Variants in GPSM2 observed in about 807,000 individuals in gnomAD.
GPSM2 encodes G protein-signaling modulator 2.
In GPSM2, 58 loss-of-function variants were observed where a neutral mutation model predicts 78.4. The observed-to-expected ratio is 0.74, with a 90% CI of 0.60 to 0.92. GPSM2 has a LOEUF of 0.92. GPSM2 is among the 40% of genes least tolerant of loss of function. The pLI is 0.00. For missense variants in GPSM2, 700 were observed against 815.5 expected (o/e 0.86, Z 1.73); for synonymous variants, 224 against 280.2 (o/e 0.80, Z 2.00).
chr1:108,897,402 G>A, intron 3 of GPSM2, 90 bp from the exon 4 acceptor site: 1 of 1,317,672 alleles, frequency 7.6e-7, no homozygotes, highest in Non-Finnish European at 1.1e-6. Context: ...TGTCCTCTTG[G>A]AAAACTGTAC....
intron 10 of GPSM2, among the ~76,000 whole-genome samples, chr1:108,913,160 A>G (rs1436194966): frequency 6.6e-6 from 1 of 152,186 alleles, no homozygotes; most frequent in African/African-American, 2.4e-5. Context: ...AGATGCGCCA[A>G]CTGGATGATC....
intron 2 of GPSM2, among the ~76,000 whole-genome samples, chr1:108,887,305 A>T (rs1647637701): frequency 1.3e-5 from 2 of 152,204 alleles, no homozygotes; most frequent in Admixed American, 1.3e-4. Context: ...CCTGTAACAG[A>T]CACAACTCTC....
chr1:108,884,869 T>A (rs1332251626), intron 1 of GPSM2, among the ~76,000 whole-genome samples: 1 of 152,250 alleles, frequency 6.6e-6, no homozygotes, highest in East Asian at 1.9e-4. Context: ...ATCAGTGTGA[T>A]ATCTTCTTTG....
intron 10 of GPSM2, among the ~76,000 whole-genome samples, chr1:108,913,129 G>A (rs183463832): frequency 6.6e-6 from 1 of 152,210 alleles, no homozygotes; most frequent in Admixed American, 6.5e-5. Flanking sequence ...GTACAATCCA[G>A]CAACATTCTG....
chr1:108,885,847 T>C (rs1363335120), intron 2 of GPSM2, among the ~76,000 whole-genome samples: 1 of 152,192 alleles, frequency 6.6e-6, no homozygotes, highest in Non-Finnish European at 1.5e-5. Context: ...GTAATGCAAA[T>C]ATGTAAATGA....
intron 10 of GPSM2, among the ~76,000 whole-genome samples, chr1:108,909,291 C>T (rs1351766445): frequency 2.6e-5 from 4 of 152,140 alleles, no homozygotes; most frequent in Non-Finnish European, 4.4e-5. Context: ...ATTGACCTAA[C>T]TGGTCAATTT....
At position 108,904,170 on chromosome 1, in the gene GPSM2, G is replaced by C; in HGVS notation, c.1108G>C (p.Asp370His). 6.3e-7 allele frequency: 1 copy of C among 1,598,668 alleles called. No individual in the cohort carries two copies. Among genetic ancestry groups the C allele is most frequent in the South Asian group, 1.1e-5 (1 of 90,752 alleles). ...ACTAACAGCACGACTTAATCTCTCA[G>C]ACCTTCAAATGGTTCTTGGTCTGAG... is the stretch of plus-strand genomic sequence containing the variant. The part of the protein sequence containing the change: ...GELTARLNLS[D>H]LQMVLGLSYS... Residue 370 changes from aspartate to histidine, a missense_variant, in exon 10 of 15, where the codon GAC (aspartate) becomes CAC (histidine). Coordinates refer to ENST00000264126, the MANE Select transcript of GPSM2 (RefSeq NM_013296.5).
chr1:108,913,392 A>G (rs1464110226), intron 10 of GPSM2, among the ~76,000 whole-genome samples: 2 of 152,224 alleles, frequency 1.3e-5, no homozygotes, highest in African/African-American at 4.8e-5. Context: ...TGTGGATAGT[A>G]TAAACCAGTT....
rs751118420 is a variant in GPSM2 at position 108,924,217 on chromosome 1, A to ATGTC, written c.1815+7_1815+10dup. On this transcript the variant is annotated splice_donor_region_variant and intron_variant, in intron 14 of 14. Transcript: ENST00000264126. ...TTGACATCCTTGTAAAATGTCAAGT[A>ATGTC]TGTCTGTATATTTTTTTCGTTCTGC... 79 of 1,587,514 alleles carry ATGTC rather than the reference A, an allele frequency of 5.0e-5. No individual in the cohort carries two copies. The highest frequency in any genetic ancestry group is 6.6e-5 in the Non-Finnish European group (76 of 1,155,952).
intron 5 of GPSM2, 31 bp from the exon 6 acceptor site, chr1:108,898,609 CTT>C: frequency 6.2e-7 from 1 of 1,609,950 alleles, no homozygotes; most frequent in South Asian, 1.1e-5. Flanking sequence ...GTTCTGCAAA[CTT>C]ATTTTTTCAT....
chr1:108,877,909 T>C (rs909224894), intron 1 of GPSM2: 1 of 152,222 alleles, frequency 6.6e-6, no homozygotes, highest in Non-Finnish European at 1.5e-5. Context: ...TTGAACTCTG[T>C]TAAAGAAAAC....
chr1:108,909,902 C>CAAAAAA (rs34151964), intron 10 of GPSM2: 9 of 50,638 alleles, frequency 1.8e-4, no homozygotes, highest in Admixed American at 4.8e-4. Flanking sequence ...ACGCCATCTC[C>CAAAAAA]AAAAAAAAAA....
chr1:108,885,968 T>C (rs1647512894), intron 2 of GPSM2, among the ~76,000 whole-genome samples: 1 of 152,114 alleles, frequency 6.6e-6, no homozygotes, highest in African/African-American at 2.4e-5. Context: ...ACATGAACTT[T>C]TTATTTTTGA....
chr1:108,924,707 T>TA (rs1247348998), intron 14 of GPSM2, among the ~76,000 whole-genome samples: 2 of 152,124 alleles, frequency 1.3e-5, no homozygotes, highest in Non-Finnish European at 1.5e-5. Flanking sequence ...CTCTTGGATA[T>TA]AAAAGCTTAG....
chr1:108,891,390 A>C (rs1647956338), intron 2 of GPSM2, among the ~76,000 whole-genome samples: 1 of 152,162 alleles, frequency 6.6e-6, no homozygotes, highest in Non-Finnish European at 1.5e-5. Context: ...GACAAAGATA[A>C]ATTTTCATAT....
Position 108,901,918 on chromosome 1 carries a change from T to C in GPSM2, c.926T>C (p.Leu309Ser), listed in dbSNP as rs1289346637. Residue 309 changes from leucine to serine, a missense_variant, in exon 8 of 15, where the codon TTA becomes TCA. By Grantham distance (145) the Leu-to-Ser change is moderately radical. Transcript: ENST00000264126. ...GCCATTGATTATCATCTGAAGCACT[T>C]AGCAATTGCTCAAGAGCTGAATGAT... ...EKAIDYHLKHLAIAQELNDRI... is the reference protein window; with the variant it reads ...EKAIDYHLKHSAIAQELNDRI... The C allele has an allele frequency of 5.0e-6, 8 of 1,611,632 alleles. No individual in the cohort carries two copies. Among genetic ancestry groups the C allele is most frequent in the Non-Finnish European group, 6.8e-6 (8 of 1,177,858 alleles).
At chr1:108,882,306 C>T (rs1445078291) in intron 1 of GPSM2, among the ~76,000 whole-genome samples, 1 of 152,200 alleles carries the variant, frequency 6.6e-6, no homozygotes, top group East Asian at 1.9e-4. Context: ...TCCAGGACCC[C>T]CTGAGGATAC....
rs1648398656 is a variant in GPSM2, at chr1:108,896,794, C to T, written c.57-70C>T. ...AAGAGTAGCCGCTTAAATTATATTA[C>T]GGGAAGTTAAAAATACTGTGATGCA... On this transcript the variant is annotated intron_variant, in intron 2 of 14. Transcript: ENST00000264126. 9.5e-6 allele frequency: 11 copies of T among 1,160,258 alleles called. 1 individual carries two copies. The highest frequency in any genetic ancestry group is 7.3e-5 in the South Asian group (6 of 81,776). 71.9% of individuals were successfully genotyped at this position (1,160,258 alleles called of 1,614,324 possible). A position where few individuals can be genotyped will look rare whatever the true frequency, so the allele number is the denominator to read the frequency against.
chr1:108,916,872 G>T (rs1650273014), intron 11 of GPSM2, among the ~76,000 whole-genome samples: 1 of 152,216 alleles, frequency 6.6e-6, no homozygotes, highest in African/African-American at 2.4e-5. Context: ...AGACTTCTAG[G>T]TTAAGAGGCT....
Sources: allele counts gnomAD v4.1 joint callset (sites outside exome capture counted in the v4.1 genomes callset), GRCh38; gene constraint gnomAD v4.1.1; transcripts MANE v1.5; gene names NCBI Gene and HGNC (gene_info 2026-07-23, HGNC 2026-07-21).